Variants in UBR4 observed in about 807,000 individuals in gnomAD.
UBR4 encodes ubiquitin protein ligase E3 component n-recognin 4, also known as E3 ubiquitin-protein ligase UBR4.
UBR4 carries 124 observed loss-of-function variants against 575.6 expected under a neutral mutation model. The ratio of observed to expected loss-of-function variants is 0.22; its 90% CI spans 0.19 to 0.25. The LOEUF (loss-of-function observed/expected upper bound fraction) is 0.25. UBR4 is among the 10% of genes least tolerant of loss of function. UBR4 has a pLI of 1.00. For missense variants in UBR4, 4,818 were observed against 6,478.8 expected, an observed-to-expected ratio of 0.74 and a Z score of 8.80; for synonymous variants, 2,455 against 2,473.7, an observed-to-expected ratio of 0.99 and a Z score of 0.22.
At position 19,129,033 on chromosome 1, in the gene UBR4, T is replaced by TA; in HGVS notation, c.8947_8948insT (p.Gln2983LeufsTer33). The TA allele has an allele frequency of 6.2e-7, 1 of 1,614,094 alleles. No individual in the cohort carries two copies. The highest frequency in any genetic ancestry group is 8.5e-7 in the Non-Finnish European group (1 of 1,180,004). ...AACGTTTCGTAATTGAGGCAGGGTCTGCAGTAATCTCTCCAACAGCATTAG... is the reference window on the plus strand; with the variant it reads ...AACGTTTCGTAATTGAGGCAGGGTCTAGCAGTAATCTCTCCAACAGCATTAG... On this transcript the variant is annotated frameshift_variant, in exon 61 of 106. Coordinates refer to ENST00000375254, the MANE Select transcript of UBR4 (RefSeq NM_020765.3). LOFTEE classifies it high-confidence loss of function.
rs554111610 is a variant in UBR4, at chr1:19,077,767, C to A, written c.15324+209G>T. ...CAAACCAAACCAAACCAAACAAAAC[C>A]AAACAAAACAAATGTACCTCACAGA... On this transcript the variant is annotated intron_variant, in intron 104 of 105. Transcript: ENST00000375254. The A allele has an allele frequency of 7.5e-4, 1,115 of 1,495,036 alleles. 13 individuals are homozygous for A. The African/African-American group carries it at 0.013, about 18-fold the overall frequency. The allele number at this position is 1,495,036 out of a possible 1,614,324, so 92.6% of individuals were successfully genotyped here. A position where few individuals can be genotyped will look rare whatever the true frequency, so the allele number is the denominator to read the frequency against.
rs753527168 is a variant in UBR4, at chr1:19,161,702, C to T, written c.5062G>A (p.Val1688Met). 8 of 1,613,078 alleles carry T rather than the reference C, an allele frequency of 5.0e-6. No homozygotes were observed. Among genetic ancestry groups the T allele is most frequent in the South Asian group, 3.3e-5 (3 of 90,992 alleles). Residue 1688 changes from valine to methionine, a missense_variant, in exon 37 of 106, where the codon GTG (valine) becomes ATG (methionine). By Grantham distance (21) the Val-to-Met change is conservative (BLOSUM62 1). This residue lies in a region of UBR4 where 7 missense variants were observed against 63.2 expected (regional missense o/e 0.11). Coordinates refer to ENST00000375254, the MANE Select transcript of UBR4 (RefSeq NM_020765.3). ...HCHTCKMVDGVGVCTVCAKVC... is the reference protein window; with the variant it reads ...HCHTCKMVDGMGVCTVCAKVC... ...TTAGCACACACTGTGCAGACACCCA[C>T]GCCATCCACCATTTTACAGGTGTGA...
rs2079667694 is a variant in UBR4 at position 19,110,030 on chromosome 1, A to G, written c.12105+66T>C. ...CGGAGACCATGAGGAGGCAGGGCAC[A>G]CTGCCAGGGAATGAGGAGGGTGGCC... On this transcript the variant is annotated intron_variant, in intron 81 of 105. Coordinates refer to ENST00000375254, the MANE Select transcript of UBR4 (RefSeq NM_020765.3). This position sits in a 1 kb window ranked among gnomAD's most constrained non-coding sequence, Gnocchi z 4.5. 6.2e-7 allele frequency: 1 copy of G among 1,604,392 alleles called. No individual in the cohort carries two copies. Among genetic ancestry groups the G allele is most frequent in the Non-Finnish European group, 8.5e-7 (1 of 1,175,046 alleles).
rs563717526 is a variant in UBR4, at chr1:19,143,755, T to C, written c.8179+225A>G. Among the ~76,000 whole-genome samples, 7 of 152,356 alleles carry C rather than the reference T, an allele frequency of 4.6e-5. No homozygotes were observed. The South Asian group carries it at 1.0e-3, about 23-fold the overall frequency. On this transcript the variant is annotated intron_variant, in intron 55 of 105. Transcript: ENST00000375254. ...TGTATTTTGATTTTACTATGGTACT[T>C]TTATTTTCCCATGGCCTTTAATCTT...
chr1:19,126,332 G>A (rs1302857640), intron 64 of UBR4, 114 bp downstream of exon 64: 5 of 1,250,128 alleles, frequency 4.0e-6, no homozygotes, highest in African/African-American at 1.5e-5. Flanking sequence ...AAGGAATGCC[G>A]GCTCCTTCCT....
intron 103 of UBR4, chr1:19,079,043 C>T (rs1259366745): frequency 1.3e-5 from 2 of 152,176 alleles, no homozygotes; most frequent in Non-Finnish European, 1.5e-5. Context: ...GTATTCTACA[C>T]CTCAAAACAC....
At chr1:19,104,834 G>T in intron 85 of UBR4, 168 bp from the exon 86 acceptor site, 1 of 1,072,424 alleles carries the variant, frequency 9.3e-7, no homozygotes, top group Non-Finnish European at 1.3e-6. Context: ...GCGCTGGTAA[G>T]GGATTGCTTA....
Position 19,170,999 on chromosome 1 carries a change from A to G in UBR4, c.3522-116T>C, listed in dbSNP as rs984273966. On this transcript the variant is annotated intron_variant, in intron 25 of 105. Coordinates refer to ENST00000375254, the MANE Select transcript of UBR4 (RefSeq NM_020765.3). ...TCTCAGTTTCCTATCTATTTAATGT[A>G]GTTGATAGTGCCTGCCCCTTCCTGG... 8.6e-6 allele frequency: 12 copies of G among 1,402,972 alleles called. No individual in the cohort carries two copies. In the Admixed American group the frequency reaches 2.5e-4, roughly 30 times the overall value. 86.9% of individuals were successfully genotyped at this position (1,402,972 alleles called of 1,614,324 possible). A position where few individuals can be genotyped will look rare whatever the true frequency, so the allele number is the denominator to read the frequency against.
Position 19,128,304 on chromosome 1 carries a change from G to A in UBR4, c.9018C>T (p.Leu3006=), listed in dbSNP as rs2082038659. The A allele has an allele frequency of 1.2e-6, 2 of 1,613,804 alleles. No homozygotes were observed. The highest frequency in any genetic ancestry group is 2.7e-5 in the African/African-American group (2 of 74,904). ...CATCTTCTCCATCCAGATCTGTAGT[G>A]AGCATTAGAATGACCTAGAAGTCAA... is the stretch of plus-strand genomic sequence containing the variant. ...AIPYMQVILM[L]TTDLDGEDEK... The change falls in exon 62 of 106, where the codon CTC becomes CTT. Residue 3006 remains leucine (L), a synonymous_variant. Transcript: ENST00000375254.
chr1:19,168,228 C>CTGGAAAAAATTCTCACA (rs1557878909), intron 27 of UBR4, 44 bp from the exon 28 acceptor site: 2 of 1,473,670 alleles, frequency 1.4e-6, no homozygotes, highest in African/African-American at 2.8e-5. Flanking sequence ...ACCATCTACC[C>CTGGAAAAAATTCTCACA]TGGAAAAAAT....
chr1:19,176,553 T>G, intron 20 of UBR4, 39 bp downstream of exon 20: 1 of 1,600,756 alleles, frequency 6.2e-7, no homozygotes. Flanking sequence ...CCAATGAGAA[T>G]CAGTAAGTCA....
intron 60 of UBR4, among the ~76,000 whole-genome samples, chr1:19,131,243 T>TAAA (rs869155620): frequency 2.9e-5 from 3 of 102,948 alleles, no homozygotes; most frequent in South Asian, 3.5e-4. Flanking sequence ...TCTTGAAACT[T>TAAA]AAAAAAAAAA....
In UBR4 at chr1:19,089,562, A is replaced by T. The variant is rs975611126; in HGVS notation, c.14212-585T>A. On this transcript the variant is annotated intron_variant, in intron 97 of 105. Coordinates refer to ENST00000375254, the MANE Select transcript of UBR4 (RefSeq NM_020765.3). This position sits in a 1 kb window ranked among gnomAD's most constrained non-coding sequence, Gnocchi z 4.3. ...AACAAGAAACCTCTGTGCCTGAAAA[A>T]GCTGGAAGTCACTACGTATAGCGCT... Among the ~76,000 whole-genome samples, 1 of 152,228 alleles carries T rather than the reference A, an allele frequency of 6.6e-6. No homozygotes were observed. Among genetic ancestry groups the T allele is most frequent in the African/African-American group, 2.4e-5 (1 of 41,454 alleles).
chr1:19,082,292 G>C (rs1343502917), intron 102 of UBR4: 1 of 156,746 alleles, frequency 6.4e-6, no homozygotes, highest in East Asian at 1.9e-4. Context: ...GTACTCACAA[G>C]AATGCTATGG....
Position 19,148,031 on chromosome 1 carries a change from T to C in UBR4, c.7591A>G (p.Ser2531Gly). 1 of 1,612,864 alleles carries C rather than the reference T, an allele frequency of 6.2e-7. No individual in the cohort carries two copies. Among genetic ancestry groups the C allele is most frequent in the Non-Finnish European group, 8.5e-7 (1 of 1,179,954 alleles). Residue 2531 changes from serine (S) to glycine (G), a missense_variant, in exon 51 of 106, where the codon AGC (serine) becomes GGC (glycine). Physicochemically the swap from Ser to Gly is moderately conservative, Grantham distance 56. Around this residue, in one of 29 missense-constraint regions of UBR4, gnomAD observed 340 missense variants for 375.4 expected, o/e 0.91. Coordinates refer to ENST00000375254, the MANE Select transcript of UBR4 (RefSeq NM_020765.3). ...TAGGCCGAGCGGCTGGTGTGCAGGC[T>C]GGCCAGAAGGCTCTTGGACTGCTGC... is the stretch of plus-strand genomic sequence containing the variant. ...VQQQSKSLLASLHTSRSAYHS... is the reference protein window; with the variant it reads ...VQQQSKSLLAGLHTSRSAYHS...
In UBR4 at chr1:19,185,259, T is replaced by G; in HGVS notation, c.1778A>C (p.Gln593Pro). Residue 593 changes from glutamine (Q) to proline (P), a missense_variant, in exon 15 of 106, where the codon CAA becomes CCA. Transcript: ENST00000375254. ...GGGAGAAATAGTCTCCTCAAACCAT[T>G]GCCCCAAAATAGGCTCACTGTCATC... ...QDDDSEPILG[Q>P]WFEETISPSK... 1 of 1,585,696 alleles carries G rather than the reference T, an allele frequency of 6.3e-7. No homozygotes were observed. Among genetic ancestry groups the G allele is most frequent in the South Asian group, 1.2e-5 (1 of 86,916 alleles).
chr1:19,096,595 A>G lies in UBR4; in HGVS notation c.13446T>C (p.Cys4482=). The change falls in exon 92 of 106, where the codon TGT becomes TGC. Residue 4482 remains cysteine, a synonymous_variant. Coordinates refer to ENST00000375254, the MANE Select transcript of UBR4 (RefSeq NM_020765.3). The stretch of plus-strand genomic sequence containing the variant: ...TGTTAAGCATGCATTCCAGGCCCCC[A>G]CACTGGGCCATCACACCAGCCATTT... The part of the protein sequence containing the change: ...VYKMAGVMAQ[C]GGLECMLNRL... The G allele has an allele frequency of 6.2e-7, 1 of 1,613,672 alleles. No homozygotes were observed. Among genetic ancestry groups the G allele is most frequent in the Middle Eastern group, 1.6e-4 (1 of 6,062 alleles).
intron 89 of UBR4, among the ~76,000 whole-genome samples, 166 bp from the exon 90 acceptor site, chr1:19,099,843 CAG>C (rs2078441748): frequency 6.6e-6 from 1 of 152,134 alleles, no homozygotes; most frequent in African/African-American, 2.4e-5. Flanking sequence ...GAAAAACACA[CAG>C]AATTTTGTGC....
At chr1:19,162,329 A>G (rs1308016791) in intron 35 of UBR4, 91 bp downstream of exon 35, 3 of 1,469,830 alleles carry the variant, frequency 2.0e-6, no homozygotes, top group Non-Finnish European at 2.7e-6. Flanking sequence ...TTTGAAGCTC[A>G]CAGGAGGCTG....
Sources: gnomAD v4.1 joint callset for allele counts (sites outside exome capture counted in the v4.1 genomes callset) on GRCh38, gnomAD v4.1.1 for gene constraint, gnomAD v4.1.1 regional missense constraint, Gnocchi (gnomAD v3.1) non-coding constraint, MANE v1.5 for transcripts, NCBI Gene and HGNC (gene_info 2026-07-23, HGNC 2026-07-21) for gene names.